The following DOCK8 variants were observed in gnomAD, a reference collection of about 807,000 sequenced individuals.
The protein encoded by DOCK8 is dedicator of cytokinesis 8, also known as dedicator of cytokinesis protein 8.
A neutral mutation model predicts 245.6 loss-of-function variants in DOCK8; 141 were observed. That is an observed-to-expected ratio of 0.57 (90% CI 0.50 to 0.66). The LOEUF (loss-of-function observed/expected upper bound fraction) is 0.66. Among genes scored for constraint, DOCK8 ranks in the 30% least tolerant of loss-of-function variants. The pLI, the probability that DOCK8 is intolerant of heterozygous loss-of-function variation, is 0.00. For synonymous variants in DOCK8, 1,168 were observed against 970.2 expected (o/e 1.20, Z -3.79); for missense variants, 2,965 against 2,603.4 (o/e 1.14, Z -3.02).
At chr9:230,146 C>T (rs899728934) in intron 1 of DOCK8, among the ~76,000 whole-genome samples, 1 of 149,762 alleles carries the variant, frequency 6.7e-6, no homozygotes, top group East Asian at 2.0e-4. Context: ...TGAGTGAGAA[C>T]ATGCGGTGTT....
intron 35 of DOCK8, 33 bp downstream of exon 35, chr9:428,529 A>T (rs754696284): frequency 1.9e-6 from 3 of 1,612,886 alleles, no homozygotes; most frequent in Non-Finnish European, 8.5e-7. Flanking sequence ...CTTCCTCTTA[A>T]TTAAGAGTAA....
intron 7 of DOCK8, 44 bp from the exon 8 acceptor site, chr9:325,627 A>G: frequency 6.5e-7 from 1 of 1,548,388 alleles, no homozygotes; most frequent in South Asian, 1.1e-5. Context: ...ATTCAAAATT[A>G]TCTAACTCAA....
intron 26 of DOCK8, among the ~76,000 whole-genome samples, chr9:400,207 A>T (rs1172696117): frequency 4.6e-5 from 5 of 109,160 alleles, no homozygotes; most frequent in Non-Finnish European, 9.8e-5. Flanking sequence ...CATCACCACC[A>T]CCTCCACTAT....
At chr9:305,914 G>A (rs1162328698) in intron 5 of DOCK8, among the ~76,000 whole-genome samples, 3 of 152,126 alleles carry the variant, frequency 2.0e-5, no homozygotes, top group Non-Finnish European at 4.4e-5. Flanking sequence ...AACAAAATGT[G>A]GTCGCCAGGG....
chr9:350,701 G>T (rs1267013577), intron 14 of DOCK8, among the ~76,000 whole-genome samples: 2 of 152,294 alleles, frequency 1.3e-5, no homozygotes, highest in East Asian at 3.9e-4. Flanking sequence ...CGGATAAGCA[G>T]AATAATAACA....
At chr9:362,163 G>T (rs941035284) in intron 14 of DOCK8, among the ~76,000 whole-genome samples, 1 of 152,178 alleles carries the variant, frequency 6.6e-6, no homozygotes, top group Non-Finnish European at 1.5e-5. Flanking sequence ...CTTGGCAGAT[G>T]TGGGTATCAG....
At chr9:296,552 T>A (rs1439211708) in intron 4 of DOCK8, among the ~76,000 whole-genome samples, 2 of 152,140 alleles carry the variant, frequency 1.3e-5, no homozygotes, top group East Asian at 3.9e-4. Flanking sequence ...AGGAATGGGG[T>A]ATCATCTGTT....
At chr9:359,181 C>A (rs1471047668) in intron 14 of DOCK8, among the ~76,000 whole-genome samples, 1 of 152,170 alleles carries the variant, frequency 6.6e-6, no homozygotes, top group East Asian at 1.9e-4. Context: ...CTCAGAAAAA[C>A]CTCATAGTTT....
chr9:283,588 T>C (rs919279568), intron 2 of DOCK8, among the ~76,000 whole-genome samples: 4 of 152,178 alleles, frequency 2.6e-5, no homozygotes, highest in African/African-American at 9.6e-5. Flanking sequence ...TGTCTAGCAT[T>C]CTGTGTCCAT....
Position 414,900 on chromosome 9 carries a change from C to T in DOCK8, c.3649C>T (p.Pro1217Ser), listed in dbSNP as rs1413652936. ...GGTCAAAATCGCCGCCCTTTACCTA[C>T]CTTTAGTTGGCATCATTTTGGATGC... ...VKVKIAALYL[P>S]LVGIILDALP... is the part of the protein sequence containing the mutation. The change falls in exon 29 of 48, where the codon CCT becomes TCT. Residue 1217 changes from proline (P) to serine (S), a missense_variant. Physicochemically the swap from Pro to Ser is moderately conservative, Grantham distance 74 (BLOSUM62 -1). Transcript: ENST00000432829. The T allele has an allele frequency of 3.7e-6, 6 of 1,614,052 alleles. No homozygotes were observed. Among genetic ancestry groups the T allele is most frequent in the Non-Finnish European group, 5.1e-6 (6 of 1,180,040 alleles).
chr9:215,373 TGG>T (rs2046724554), intron 1 of DOCK8: 1 of 1,591,912 alleles, frequency 6.3e-7, no homozygotes, highest in Non-Finnish European at 8.5e-7. Flanking sequence ...GTAACCGTGT[TGG>T]GCGCGCCACG....
intron 1 of DOCK8, among the ~76,000 whole-genome samples, chr9:224,801 G>A (rs373937800): frequency 1.4e-4 from 21 of 152,184 alleles, no homozygotes; most frequent in African/African-American, 5.1e-4. Flanking sequence ...TAGCATTGCA[G>A]TCCACTTTCA....
intron 1 of DOCK8, among the ~76,000 whole-genome samples, chr9:223,872 A>T (rs2046934679): frequency 3.3e-5 from 5 of 152,112 alleles, no homozygotes; most frequent in Admixed American, 3.3e-4. Flanking sequence ...GAGTACTAAC[A>T]CAAAGGTGTA....
rs2057153331 is a variant in DOCK8 at position 443,408 on chromosome 9, G to A, written c.5491-19G>A. 1.9e-6 allele frequency: 3 copies of A among 1,609,358 alleles called. No individual in the cohort carries two copies. The highest frequency in any genetic ancestry group is 2.2e-5 in the South Asian group (2 of 90,984). On this transcript the variant is annotated intron_variant, in intron 42 of 47. Transcript: ENST00000432829. ...TATGTTAAAATAACCTTTATAAACT[G>A]TTGGTTCTTCTTACCTAGGCATTTT...
chr9:243,854 T>C (rs753475726), intron 1 of DOCK8, among the ~76,000 whole-genome samples: 2 of 152,038 alleles, frequency 1.3e-5, no homozygotes, highest in Non-Finnish European at 2.9e-5. Flanking sequence ...AGACAATCCA[T>C]GGTGCCTACT....
chr9:448,031 C>T (rs2057317851), intron 44 of DOCK8, among the ~76,000 whole-genome samples: 1 of 152,144 alleles, frequency 6.6e-6, no homozygotes, highest in Admixed American at 6.5e-5. Flanking sequence ...TTCTTCATTC[C>T]TGCCTTCCTT....
At chr9:454,973 A>G (rs749499896) in intron 46 of DOCK8, among the ~76,000 whole-genome samples, 14 of 152,196 alleles carry the variant, frequency 9.2e-5, no homozygotes, top group Non-Finnish European at 1.3e-4. Flanking sequence ...TAGAGTTTCA[A>G]TAATGAGGCT....
In DOCK8 at chr9:405,067, T is replaced by G; in HGVS notation, c.3384T>G (p.Ser1128=). ...TAPTSPCPSI[S]SQNSSSCSSF... ...CAACATCTCCTTGTCCTTCCATATCTTCCCAGGTAATAAAAGAATTATTTA... is the reference window on the plus strand; with the variant it reads ...CAACATCTCCTTGTCCTTCCATATCGTCCCAGGTAATAAAAGAATTATTTA... Residue 1128 remains serine (S), a synonymous_variant, in exon 27 of 48, where the codon TCT becomes TCG. Coordinates refer to ENST00000432829, the MANE Select transcript of DOCK8 (RefSeq NM_203447.4). 3 of 1,613,278 alleles carry G rather than the reference T, an allele frequency of 1.9e-6. No homozygotes were observed. The highest frequency in any genetic ancestry group is 2.5e-6 in the Non-Finnish European group (3 of 1,179,508).
At position 452,381 on chromosome 9, in the gene DOCK8, CG is replaced by C. The variant is rs759495311; in HGVS notation, c.6068+265del. 4.3e-4 allele frequency: 103 copies of C among 238,696 alleles called. 1 individual carries two copies. Among genetic ancestry groups the C allele is most frequent in the Admixed American group, 6.4e-4 (12 of 18,792 alleles). The allele number at this position is 238,696 out of a possible 1,614,324, so 14.8% of individuals were successfully genotyped here. On this transcript the variant is annotated intron_variant, in intron 46 of 47. Coordinates refer to ENST00000432829, the MANE Select transcript of DOCK8 (RefSeq NM_203447.4). ...TTGAACTACTAATGAGTAACTAACA[CG>C]TCAACTATGAAACGCTTTTGTGGCT...
Sources: allele counts gnomAD v4.1 joint callset (sites outside exome capture counted in the v4.1 genomes callset), GRCh38; gene constraint gnomAD v4.1.1; transcripts MANE v1.5; gene names NCBI Gene and HGNC (gene_info 2026-07-23, HGNC 2026-07-21).